ESRRG: variants seen among roughly 807,000 people sequenced by gnomAD.
ESRRG encodes estrogen-related receptor gamma.
ESRRG carries 13 observed loss-of-function variants against 44.0 expected under a neutral mutation model. The ratio of observed to expected loss-of-function variants is 0.30; its 90% confidence interval spans 0.19 to 0.47. ESRRG has a LOEUF of 0.47. ESRRG is among the 20% of genes least tolerant of loss of function. The pLI, the probability that ESRRG is intolerant of heterozygous loss-of-function variation, is 1.00. For missense variants in ESRRG, 395 were observed against 580.6 expected (o/e 0.68, Z 3.29); for synonymous variants, 215 against 214.6 (o/e 1.00, Z -0.02).
intron 2 of ESRRG, among the ~76,000 whole-genome samples, chr1:216,735,964 C>G (rs2089790269): frequency 8.5e-6 from 1 of 117,764 alleles, no homozygotes. Flanking sequence ...GGCGACAGAG[C>G]AATACTCCCC....
chr1:216,844,418 A>C (rs2148906551), intron 2 of ESRRG, among the ~76,000 whole-genome samples: 1 of 152,212 alleles, frequency 6.6e-6, no homozygotes, highest in Admixed American at 6.5e-5. Flanking sequence ...TTGCTATGGT[A>C]AATTGAATGA....
intron 1 of ESRRG, among the ~76,000 whole-genome samples, chr1:217,059,383 C>T (rs549320232): frequency 2.8e-4 from 43 of 152,084 alleles, no homozygotes; most frequent in Admixed American, 2.8e-3. Flanking sequence ...CAATGACCAA[C>T]CCAGTACCAA....
At chr1:216,679,601 G>A (rs1192595092) in intron 1 of ESRRG, among the ~76,000 whole-genome samples, 2 of 151,268 alleles carry the variant, frequency 1.3e-5, no homozygotes, top group Non-Finnish European at 2.9e-5. Context: ...CTGCCTACAA[G>A]GCACCGTTTT....
intron 2 of ESRRG, among the ~76,000 whole-genome samples, chr1:216,814,965 T>C (rs914750090): frequency 1.3e-5 from 2 of 152,230 alleles, no homozygotes; most frequent in African/African-American, 4.8e-5. Context: ...ATTAAGTTAA[T>C]CTCTATGAGG....
In ESRRG at chr1:216,971,039, G is replaced by A. The variant is rs1324138786; in HGVS notation, c.-105-31366C>T. ...GGGGGCAGAACCAAGTCATTCAGGT[G>A]ACAGGACATTCTCTTGGGTGTATAG... is the stretch of plus-strand genomic sequence containing the variant. On this transcript the variant is annotated intron_variant, in intron 1 of 7. Transcript: ENST00000359162. Among the ~76,000 whole-genome samples, 3 of 152,276 alleles carry A rather than the reference G, an allele frequency of 2.0e-5. No homozygotes were observed. In the South Asian group the frequency reaches 6.2e-4, roughly 32 times the overall value.
chr1:216,572,291 A>G (rs909972540), intron 3 of ESRRG, among the ~76,000 whole-genome samples: 11 of 152,086 alleles, frequency 7.2e-5, no homozygotes, highest in Non-Finnish European at 1.3e-4. Flanking sequence ...ACCCAGTAAA[A>G]CCAGATTTTT....
chr1:217,099,426 CT>C (rs1404606587), intron 1 of ESRRG, among the ~76,000 whole-genome samples: 1 of 150,734 alleles, frequency 6.6e-6, no homozygotes, highest in Non-Finnish European at 1.5e-5. Context: ...AGAATTAATT[CT>C]TTTTAATTTT....
intron 1 of ESRRG, among the ~76,000 whole-genome samples, chr1:217,110,366 C>T (rs777136807): frequency 6.6e-6 from 1 of 152,186 alleles, no homozygotes; most frequent in Non-Finnish European, 1.5e-5. Context: ...TCCTGAAACC[C>T]AGACCTTCAG....
intron 1 of ESRRG, among the ~76,000 whole-genome samples, chr1:216,982,909 C>T (rs1260933414): frequency 6.6e-6 from 1 of 152,062 alleles, no homozygotes; most frequent in Non-Finnish European, 1.5e-5. Flanking sequence ...TATCTTCACA[C>T]ACAAGATAAC....
chr1:217,092,590 G>A (rs1217959876), upstream of ESRRG, among the ~76,000 whole-genome samples: 2 of 152,110 alleles, frequency 1.3e-5, no homozygotes, highest in Non-Finnish European at 2.9e-5. Flanking sequence ...GCATCACTGA[G>A]CCATGGTTCA....
intron 1 of ESRRG, among the ~76,000 whole-genome samples, chr1:216,995,933 G>C (rs2076315939): frequency 1.3e-5 from 2 of 152,082 alleles, no homozygotes; most frequent in African/African-American, 4.8e-5. Context: ...CAGGACAGCA[G>C]AAATGAAGAG....
At chr1:216,987,761 T>G (rs1180681137) in intron 1 of ESRRG, among the ~76,000 whole-genome samples, 1 of 152,134 alleles carries the variant, frequency 6.6e-6, no homozygotes, top group Non-Finnish European at 1.5e-5. Flanking sequence ...CTAAAACTTT[T>G]TTGCTCAAAG....
intron 1 of ESRRG, among the ~76,000 whole-genome samples, chr1:217,002,037 C>A (rs562031525): frequency 1.1e-4 from 17 of 151,718 alleles, no homozygotes; most frequent in Non-Finnish European, 7.4e-5. Context: ...CATGATGGCT[C>A]ACACCTGTAA....
At chr1:216,544,191 CATT>C (rs1396545084) in intron 5 of ESRRG, among the ~76,000 whole-genome samples, 2 of 151,940 alleles carry the variant, frequency 1.3e-5, no homozygotes, top group African/African-American at 2.4e-5. Flanking sequence ...TAATCATTGT[CATT>C]ATTATTTTTT....
chr1:216,672,280 A>G (rs2151420783), intron 2 of ESRRG, among the ~76,000 whole-genome samples: 1 of 152,354 alleles, frequency 6.6e-6, no homozygotes, highest in South Asian at 2.1e-4. Context: ...ACAAAACAGC[A>G]AAACTTTGGC....
Position 217,031,423 on chromosome 1 carries a change from C to T in ESRRG, c.-106+58084G>A, listed in dbSNP as rs12085414. 3.9e-3 allele frequency among the ~76,000 whole-genome samples: 599 copies of T among 152,350 alleles called. 4 individuals carry two copies. Among genetic ancestry groups the T allele is most frequent in the African/African-American group, 0.014 (576 of 41,578 alleles). ...AGAGAAGGAAAGGAGAGTCCACACT[C>T]AATGCTTACTTTTTCCTTGTCTAAC... On this transcript the variant is annotated intron_variant, in intron 1 of 7. Coordinates refer to the ESRRG transcript ENST00000359162.
chr1:217,029,233 G>A (rs1232774128), intron 1 of ESRRG, among the ~76,000 whole-genome samples: 2 of 152,186 alleles, frequency 1.3e-5, no homozygotes, highest in Non-Finnish European at 2.9e-5. Context: ...CAGCTGGTGG[G>A]GGTAGTGTAA....
At chr1:216,550,881 T>C (rs1403947486) in intron 5 of ESRRG, among the ~76,000 whole-genome samples, 5 of 152,128 alleles carry the variant, frequency 3.3e-5, no homozygotes. Context: ...GCATATAGAG[T>C]TTAAGAACAG....
intron 1 of ESRRG, among the ~76,000 whole-genome samples, chr1:216,692,401 A>G (rs1408823279): frequency 6.6e-6 from 1 of 152,094 alleles, no homozygotes; most frequent in Admixed American, 6.6e-5. Flanking sequence ...AAAAATAGAA[A>G]AAACCTTATA....
Sources: allele counts gnomAD v4.1 joint callset (sites outside exome capture counted in the v4.1 genomes callset), GRCh38; gene constraint gnomAD v4.1.1; transcripts MANE v1.5; gene names NCBI Gene and HGNC (gene_info 2026-07-23, HGNC 2026-07-21).